LGR6: variants seen among roughly 807,000 people sequenced by gnomAD.
The protein encoded by LGR6 is leucine rich repeat containing G protein-coupled receptor 6, also known as leucine-rich repeat-containing G protein-coupled receptor 6.
Under a neutral mutation model 69.4 loss-of-function variants are expected in LGR6, and 45 were observed. That is an observed-to-expected ratio of 0.65 (90% CI 0.51 to 0.83). The LOEUF (loss-of-function observed/expected upper bound fraction) is 0.83. LGR6 is among the 40% of genes least tolerant of loss of function. LGR6 has a pLI of 0.00. For missense variants in LGR6, 1,108 were observed against 1,246.7 expected, an observed-to-expected ratio of 0.89 and a Z score of 1.68; for synonymous variants, 538 against 555.0, an observed-to-expected ratio of 0.97 and a Z score of 0.43.
At chr1:202,261,007 TC>T (rs1370426022) in intron 4 of LGR6, among the ~76,000 whole-genome samples, 1 of 152,148 alleles carries the variant, frequency 6.6e-6, no homozygotes, top group African/African-American at 2.4e-5. Context: ...AGGTATTCTT[TC>T]CACTTAGTTT....
At chr1:202,265,789 C>T (rs571921032) in intron 4 of LGR6, among the ~76,000 whole-genome samples, 1 of 152,244 alleles carries the variant, frequency 6.6e-6, no homozygotes, top group East Asian at 1.9e-4. Flanking sequence ...TGAAAGTGCC[C>T]ATAACTGGAT....
At position 202,193,949 on chromosome 1, in the gene LGR6, C is replaced by T. The variant is rs1235552833; in HGVS notation, c.-41C>T. 4.8e-6 allele frequency: 6 copies of T among 1,242,930 alleles called. No individual in the cohort carries two copies. The highest frequency in any genetic ancestry group is 8.4e-5 in the Admixed American group (2 of 23,882). 77.0% of individuals were successfully genotyped at this position (1,242,930 alleles called of 1,614,324 possible). A position where few individuals can be genotyped will look rare whatever the true frequency, so the allele number is the denominator to read the frequency against. On this transcript the variant is annotated 5_prime_UTR_variant, in exon 1 of 18. Coordinates refer to ENST00000367278, the MANE Select transcript of LGR6 (RefSeq NM_001017403.2). Reference sequence around the variant, plus strand: ...AGCTGCGGCCATCGCGCCGTGCGTCCGCGCCCGGCCGCCAGGTGCCCCAGT... The same window carrying T: ...AGCTGCGGCCATCGCGCCGTGCGTCTGCGCCCGGCCGCCAGGTGCCCCAGT...
At chr1:202,211,323 G>T (rs1398922844) in intron 1 of LGR6, among the ~76,000 whole-genome samples, 1 of 152,228 alleles carries the variant, frequency 6.6e-6, no homozygotes, top group Admixed American at 6.5e-5. Context: ...CTAGAGGGGA[G>T]CCCTCAGAAA....
At chr1:202,284,823 G>A (rs752427267) in intron 6 of LGR6, among the ~76,000 whole-genome samples, 14 of 152,212 alleles carry the variant, frequency 9.2e-5, no homozygotes, top group Admixed American at 5.2e-4. Flanking sequence ...GAACCCAGGA[G>A]GGGACAGGGC....
intron 4 of LGR6, among the ~76,000 whole-genome samples, chr1:202,254,956 G>A (rs571671222): frequency 1.3e-5 from 2 of 152,182 alleles, no homozygotes; most frequent in African/African-American, 4.8e-5. Flanking sequence ...TTGCTAGGAG[G>A]GAAAAGCCTG....
At chr1:202,232,501 C>T (rs1262407442) in intron 3 of LGR6, among the ~76,000 whole-genome samples, 2 of 152,090 alleles carry the variant, frequency 1.3e-5, no homozygotes, top group Admixed American at 1.3e-4. Context: ...AACTGGGCTT[C>T]AGTGTGACCT....
At chr1:202,199,964 T>A (rs1478818207) in intron 1 of LGR6, among the ~76,000 whole-genome samples, 1 of 152,204 alleles carries the variant, frequency 6.6e-6, no homozygotes, top group African/African-American at 2.4e-5. Flanking sequence ...TAAACTACTG[T>A]GAAAAGGGCC....
intron 6 of LGR6, among the ~76,000 whole-genome samples, chr1:202,290,881 A>G (rs1367648135): frequency 1.3e-5 from 2 of 152,180 alleles, no homozygotes; most frequent in Non-Finnish European, 1.5e-5. Context: ...TAAAAAATAA[A>G]AAGCAAAAGA....
rs182199806 is a variant in LGR6 at position 202,234,861 on chromosome 1, A to T, written c.357-1061A>T. ...CCTCTGAAAGATGGATGGATACACC[A>T]TAAAGGGGTAATTGAGTCTCCTAGG... On this transcript the variant is annotated intron_variant, in intron 3 of 17. Transcript: ENST00000367278. Among the ~76,000 whole-genome samples the T allele has an allele frequency of 9.8e-5, 15 of 152,312 alleles. No homozygotes were observed. In the East Asian group the frequency reaches 2.1e-3, roughly 22 times the overall value.
chr1:202,205,496 C>CACACACA, intron 1 of LGR6, among the ~76,000 whole-genome samples: 1 of 33,202 alleles, frequency 3.0e-5, no homozygotes, highest in Non-Finnish European at 6.9e-5. Flanking sequence ...CACACACACA[C>CACACACA]CCTGCTTCAA....
Position 202,266,897 on chromosome 1 carries a change from A to AAC in LGR6, c.429-9408_429-9407dup, listed in dbSNP as rs1321822908. Among the ~76,000 whole-genome samples, 3 of 114,438 alleles carry AAC rather than the reference A, an allele frequency of 2.6e-5. No individual in the cohort carries two copies. In the South Asian group the frequency reaches 1.1e-3, roughly 42 times the overall value. 75.1% of individuals were successfully genotyped at this position (114,438 alleles called of 152,430 possible). A position where few individuals can be genotyped will look rare whatever the true frequency, so the allele number is the denominator to read the frequency against. ...ACAGCCTCTCTTTTCCTCTCTCTCT[A>AAC]ACGCGCGCACACACACACACACAAT... On this transcript the variant is annotated intron_variant, in intron 4 of 17. Transcript: ENST00000367278.
chr1:202,301,642 G>A (rs568600769), intron 9 of LGR6, among the ~76,000 whole-genome samples: 2 of 152,304 alleles, frequency 1.3e-5, no homozygotes, highest in South Asian at 2.1e-4. Context: ...CTGTGCCATC[G>A]TTATCACCCT....
intron 4 of LGR6, among the ~76,000 whole-genome samples, chr1:202,266,726 C>T (rs997835868): frequency 4.6e-5 from 7 of 152,064 alleles, no homozygotes; most frequent in African/African-American, 7.2e-5. Context: ...TACCCTCATC[C>T]ACTTGGTGAA....
chr1:202,295,402 G>A lies in LGR6; in HGVS notation c.717-2106G>A, dbSNP rs2148236009. On this transcript the variant is annotated intron_variant, in intron 6 of 17. Coordinates refer to ENST00000367278, the MANE Select transcript of LGR6 (RefSeq NM_001017403.2). The stretch of plus-strand genomic sequence containing the variant: ...CATTTATGGGAAATCTAGTTCTCTT[G>A]CAACAATGGAGAATTCCTGATTGAG... Among the ~76,000 whole-genome samples, 2 of 150,916 alleles carry A rather than the reference G, an allele frequency of 1.3e-5. 1 individual carries two copies. Among genetic ancestry groups the A allele is most frequent in the South Asian group, 4.2e-4 (2 of 4,780 alleles).
At chr1:202,245,298 G>A (rs1212838300) in intron 4 of LGR6, among the ~76,000 whole-genome samples, 16 of 151,878 alleles carry the variant, frequency 1.1e-4, no homozygotes. Context: ...GCTGCTCTGA[G>A]GTGGGTGGGT....
At chr1:202,212,094 T>C (rs1250605653) in intron 1 of LGR6, among the ~76,000 whole-genome samples, 3 of 152,190 alleles carry the variant, frequency 2.0e-5, no homozygotes, top group Admixed American at 6.5e-5. Flanking sequence ...CATGTTCTAG[T>C]TGGGAGTATC....
chr1:202,314,142 G>C (rs116522513), intron 16 of LGR6, among the ~76,000 whole-genome samples: 3 of 152,120 alleles, frequency 2.0e-5, no homozygotes, highest in African/African-American at 4.8e-5. Context: ...AATTTGCCTC[G>C]TTCTACAGTC....
chr1:202,228,015 T>C lies in LGR6; in HGVS notation c.356+8T>C, dbSNP rs1660695325. Reference sequence around the variant, plus strand: ...CTACAGCCTGAAAATCCTGTAAGTATAGGTACACCTCATTTTACATAGAGC... The same window carrying C: ...CTACAGCCTGAAAATCCTGTAAGTACAGGTACACCTCATTTTACATAGAGC... On this transcript the variant is annotated splice_region_variant and intron_variant, in intron 3 of 17. Coordinates refer to ENST00000367278, the MANE Select transcript of LGR6 (RefSeq NM_001017403.2). The C allele has an allele frequency of 6.3e-7, 1 of 1,593,234 alleles. No individual in the cohort carries two copies. Among genetic ancestry groups the C allele is most frequent in the Non-Finnish European group, 8.6e-7 (1 of 1,161,078 alleles).
intron 4 of LGR6, among the ~76,000 whole-genome samples, chr1:202,237,135 G>T (rs537366708): frequency 6.6e-6 from 1 of 152,122 alleles, no homozygotes; most frequent in Non-Finnish European, 1.5e-5. Context: ...CTGCTCGATC[G>T]ATCGGCCCCA....
Sources: allele counts gnomAD v4.1 joint callset (sites outside exome capture counted in the v4.1 genomes callset), GRCh38; gene constraint gnomAD v4.1.1; transcripts MANE v1.5; gene names NCBI Gene and HGNC (gene_info 2026-07-23, HGNC 2026-07-21).